Variants in ATRNL1 observed in about 807,000 individuals in gnomAD.
ATRNL1 encodes the protein attractin like 1.
A neutral mutation model predicts 182.7 loss-of-function variants in ATRNL1; 95 were observed. The observed-to-expected ratio is 0.52, with a 90% CI of 0.44 to 0.62. ATRNL1 has a LOEUF of 0.62. Among genes scored for constraint, ATRNL1 ranks in the 20% least tolerant of loss-of-function variants. The probability of loss-of-function intolerance (pLI) is 0.00; values close to 1 mark genes in which losing one functional copy is unlikely to be tolerated. For synonymous variants in ATRNL1, 576 were observed against 568.3 expected, an observed-to-expected ratio of 1.01 and a Z score of -0.19; for missense variants, 1,471 against 1,679.5, an observed-to-expected ratio of 0.88 and a Z score of 2.17.
intron 19 of ATRNL1, among the ~76,000 whole-genome samples, chr10:115,369,437 G>C (rs188312038): frequency 5.3e-4 from 80 of 152,214 alleles, no homozygotes; most frequent in African/African-American, 1.8e-3. Flanking sequence ...GATGAGGCTT[G>C]AATGAGTTGA....
At chr10:115,128,853 A>G (rs1845095113) in intron 4 of ATRNL1, among the ~76,000 whole-genome samples, 1 of 151,938 alleles carries the variant, frequency 6.6e-6, no homozygotes, top group African/African-American at 2.4e-5. Context: ...AAGAGTCTTA[A>G]AGCTAAATAT....
intron 17 of ATRNL1, among the ~76,000 whole-genome samples, chr10:115,311,615 T>C (rs1383199383): frequency 6.6e-6 from 1 of 152,234 alleles, no homozygotes; most frequent in Non-Finnish European, 1.5e-5. Flanking sequence ...GTTCTGTTAA[T>C]ATCTGTTAAG....
intron 26 of ATRNL1, among the ~76,000 whole-genome samples, chr10:115,568,154 T>C (rs1213145791): frequency 6.6e-6 from 1 of 152,116 alleles, no homozygotes; most frequent in African/African-American, 2.4e-5. Flanking sequence ...GCAGAAGCTA[T>C]TGTCATACAT....
At chr10:115,455,015 A>G (rs1847454392) in intron 21 of ATRNL1, among the ~76,000 whole-genome samples, 1 of 152,106 alleles carries the variant, frequency 6.6e-6, no homozygotes, top group Non-Finnish European at 1.5e-5. Context: ...ATCATTGCAT[A>G]TGGTATTAGC....
At chr10:115,358,411 A>G (rs922414592) in intron 19 of ATRNL1, among the ~76,000 whole-genome samples, 1 of 151,586 alleles carries the variant, frequency 6.6e-6, no homozygotes, top group East Asian at 1.9e-4. Context: ...ACGTCTTACC[A>G]TATTTTTCAT....
At chr10:115,681,200 G>A (rs1946035876) in intron 26 of ATRNL1, among the ~76,000 whole-genome samples, 1 of 152,070 alleles carries the variant, frequency 6.6e-6, no homozygotes, top group Non-Finnish European at 1.5e-5. Flanking sequence ...TCAATTAATA[G>A]GATTATTAAA....
intron 19 of ATRNL1, among the ~76,000 whole-genome samples, chr10:115,357,100 T>A (rs965872474): frequency 4.6e-5 from 7 of 152,014 alleles, no homozygotes; most frequent in Non-Finnish European, 8.8e-5. Context: ...TTTGGTTTTT[T>A]AAAAAGTGAT....
chr10:115,422,841 G>A (rs1184547786), intron 20 of ATRNL1, among the ~76,000 whole-genome samples: 10 of 152,076 alleles, frequency 6.6e-5, no homozygotes, highest in African/African-American at 2.4e-4. Flanking sequence ...CATAAAGAAG[G>A]GAACAACAGA....
chr10:115,814,781 T>C (rs1234800208), intron 27 of ATRNL1, among the ~76,000 whole-genome samples: 2 of 152,142 alleles, frequency 1.3e-5, no homozygotes, highest in African/African-American at 4.8e-5. Flanking sequence ...CACAAAAAGT[T>C]AGTCATGAGA....
intron 26 of ATRNL1, among the ~76,000 whole-genome samples, chr10:115,661,490 CTA>C (rs2133904840): frequency 6.6e-6 from 1 of 152,212 alleles, no homozygotes; most frequent in Admixed American, 6.5e-5. Context: ...GGTGATATCA[CTA>C]TGATATGTGA....
chr10:115,171,430 T>A (rs992753491), intron 8 of ATRNL1, 138 bp downstream of exon 8: 2 of 747,868 alleles, frequency 2.7e-6, no homozygotes, highest in Admixed American at 3.9e-5. Context: ...ATTTTTAATA[T>A]AAGCTTTTTT....
Position 115,716,399 on chromosome 10 carries a change from C to T in ATRNL1, c.3796-10849C>T, listed in dbSNP as rs555206733. Among the ~76,000 whole-genome samples the T allele has an allele frequency of 6.6e-5, 10 of 152,064 alleles. 1 individual carries two copies. In the East Asian group the frequency reaches 1.5e-3, roughly 24 times the overall value. ...CCAGTGTGTGGGTCATTTACGTATC[C>T]AGGAAGATTTAAGAACCTCTTGAAG... On this transcript the variant is annotated intron_variant, in intron 26 of 28. Coordinates refer to ENST00000355044, the MANE Select transcript of ATRNL1 (RefSeq NM_207303.4).
chr10:115,111,373 G>C (rs570961358), intron 1 of ATRNL1, among the ~76,000 whole-genome samples: 1 of 152,156 alleles, frequency 6.6e-6, no homozygotes, highest in African/African-American at 2.4e-5. Flanking sequence ...AATACTTGAC[G>C]CTGGATAATG....
rs1319238775 is a variant in ATRNL1 at position 115,725,341 on chromosome 10, CTA to C, written c.3796-1905_3796-1904del. Among the ~76,000 whole-genome samples the C allele has an allele frequency of 2.6e-5, 4 of 152,066 alleles. No homozygotes were observed. In the East Asian group the frequency reaches 7.7e-4, roughly 29 times the overall value. On this transcript the variant is annotated intron_variant, in intron 26 of 28. Transcript: ENST00000355044. Reference sequence around the variant, plus strand: ...ATAATAGATTACAGTCCATGGAACTCTATTTTTTGTCAACGATTGTGAGTTTG... The same window carrying C: ...ATAATAGATTACAGTCCATGGAACTCTTTTTTGTCAACGATTGTGAGTTTG...
rs557880237 is a variant in ATRNL1, at chr10:115,256,790, C to G, written c.1688-8403C>G. Among the ~76,000 whole-genome samples the G allele has an allele frequency of 2.6e-5, 4 of 152,276 alleles. No individual in the cohort carries two copies. In the South Asian group the frequency reaches 8.3e-4, roughly 32 times the overall value. On this transcript the variant is annotated intron_variant, in intron 10 of 28. Coordinates refer to ENST00000355044, the MANE Select transcript of ATRNL1 (RefSeq NM_207303.4). ...TGGGCATTTAGTGCTATAAATTTCC[C>G]TCTACACACTGCTTTGAATGTGTCC... is the stretch of plus-strand genomic sequence containing the variant.
chr10:115,627,158 A>G (rs1015029546), intron 26 of ATRNL1, among the ~76,000 whole-genome samples: 1 of 152,032 alleles, frequency 6.6e-6, no homozygotes, highest in South Asian at 2.1e-4. Flanking sequence ...AGCACCACAA[A>G]ATAAAACCCT....
At chr10:115,301,367 T>C (rs1853458468) in intron 16 of ATRNL1, among the ~76,000 whole-genome samples, 1 of 152,248 alleles carries the variant, frequency 6.6e-6, no homozygotes, top group Non-Finnish European at 1.5e-5. Context: ...ATTTATTTCC[T>C]ATTATTTTTA....
At chr10:115,545,304 C>T (rs897264794) in intron 25 of ATRNL1, among the ~76,000 whole-genome samples, 1 of 151,006 alleles carries the variant, frequency 6.6e-6, no homozygotes, top group African/African-American at 2.4e-5. Flanking sequence ...TACTATCTCC[C>T]AAGTAGTAAC....
chr10:115,159,633 C>A (rs1172725500), intron 5 of ATRNL1, among the ~76,000 whole-genome samples: 1 of 151,112 alleles, frequency 6.6e-6, no homozygotes, highest in Non-Finnish European at 1.5e-5. Flanking sequence ...TATTATAACC[C>A]TTGGTGGTAG....
Sources: allele counts gnomAD v4.1 joint callset (sites outside exome capture counted in the v4.1 genomes callset), GRCh38; gene constraint gnomAD v4.1.1; transcripts MANE v1.5; gene names NCBI Gene and HGNC (gene_info 2026-07-23, HGNC 2026-07-21).